MGAM: variants seen among roughly 807,000 people sequenced by gnomAD.
MGAM encodes alpha-1,4-glucosidase.
MGAM carries 253 observed loss-of-function variants against 358.8 expected under a neutral mutation model. That is an observed-to-expected ratio of 0.71 (90% CI 0.64 to 0.78). MGAM has a LOEUF of 0.78. MGAM is among the 30% of genes least tolerant of loss of function. MGAM has a pLI of 0.00. For synonymous variants in MGAM, 1,105 were observed against 1,227.1 expected (o/e 0.90, Z 2.08); for missense variants, 3,080 against 3,432.6 (o/e 0.90, Z 2.57).
At chr7:142,055,038 C>A (rs1811361837) in intron 27 of MGAM, 130 bp downstream of exon 27, 1 of 1,062,202 alleles carries the variant, frequency 9.4e-7, no homozygotes, top group Admixed American at 2.9e-5. Context: ...TGAGTTGTTT[C>A]CTTCAGACCT....
Position 142,105,911 on chromosome 7 carries a change from A to C in MGAM, c.*20A>C. On this transcript the variant is annotated 3_prime_UTR_variant, in exon 71 of 71. Coordinates refer to ENST00000475668, the MANE Select transcript of MGAM (RefSeq NM_001365693.1). ...CTGTGAATTTTTACAGCAAGATTCTAACTAACTATGAATGACTTTGAAACT... is the reference window on the plus strand; with the variant it reads ...CTGTGAATTTTTACAGCAAGATTCTCACTAACTATGAATGACTTTGAAACT... The C allele has an allele frequency of 6.5e-7, 1 of 1,541,132 alleles. No individual in the cohort carries two copies. The highest frequency in any genetic ancestry group is 1.1e-5 in the South Asian group (1 of 89,784).
At chr7:142,060,251 G>C in intron 33 of MGAM, 60 bp from the exon 34 acceptor site, 1 of 1,587,648 alleles carries the variant, frequency 6.3e-7, no homozygotes, top group Non-Finnish European at 8.6e-7. Flanking sequence ...AATTTATTAG[G>C]AAATACTATG....
chr7:142,016,528 C>T (rs1188176856), intron 3 of MGAM, among the ~76,000 whole-genome samples: 2 of 152,136 alleles, frequency 1.3e-5, no homozygotes, highest in Non-Finnish European at 2.9e-5. Context: ...CATGTACTGA[C>T]TCTATGTCTC....
chr7:142,075,743 C>G (rs6959585), intron 45 of MGAM, among the ~76,000 whole-genome samples: 2,947 of 145,940 alleles, frequency 0.02, 261 homozygotes, highest in South Asian at 0.089. Context: ...GAGATGTCAC[C>G]TCACACCTGT....
chr7:142,050,423 T>C, intron 23 of MGAM, 139 bp downstream of exon 23: 1 of 1,155,730 alleles, frequency 8.7e-7, no homozygotes, highest in South Asian at 1.2e-5. Flanking sequence ...TACATTTCTA[T>C]TTATGATTTC....
At chr7:142,076,397 C>A (rs1398941131) in intron 46 of MGAM, 145 bp downstream of exon 46, 1 of 980,676 alleles carries the variant, frequency 1.0e-6, no homozygotes, top group Non-Finnish European at 1.6e-6. Flanking sequence ...ATGATTTCAT[C>A]GATGTTTTCA....
At chr7:142,089,416 C>T (rs1815150266) in intron 57 of MGAM, among the ~76,000 whole-genome samples, 1 of 146,682 alleles carries the variant, frequency 6.8e-6, no homozygotes, top group Non-Finnish European at 1.5e-5. Context: ...TAGGGAGTCA[C>T]AGAATCTGTT....
intron 54 of MGAM, among the ~76,000 whole-genome samples, chr7:142,085,061 G>A (rs1174657284): frequency 2.0e-5 from 3 of 146,446 alleles, no homozygotes; most frequent in African/African-American, 4.9e-5. Flanking sequence ...CTCAGTTCCC[G>A]CAGCCCTGGT....
chr7:142,041,914 TAC>T (rs1306261747), intron 21 of MGAM, among the ~76,000 whole-genome samples: 4 of 23,352 alleles, frequency 1.7e-4, no homozygotes, highest in South Asian at 8.7e-4. Flanking sequence ...ATTATATATA[TAC>T]GTATAATATA....
At chr7:141,994,415 AATTG>A (rs1554447985), upstream of MGAM, among the ~76,000 whole-genome samples, 4 of 152,126 alleles carry the variant, frequency 2.6e-5, no homozygotes, top group Non-Finnish European at 5.9e-5. Context: ...GAACTTGTAT[AATTG>A]ATTGGCAGGG....
At chr7:142,101,086 C>T (rs944063923) in intron 68 of MGAM, among the ~76,000 whole-genome samples, 196 bp downstream of exon 68, 1 of 152,164 alleles carries the variant, frequency 6.6e-6, no homozygotes, top group Non-Finnish European at 1.5e-5. Flanking sequence ...TCTGAATCAC[C>T]TCCCATTATG....
At chr7:142,042,937 AAT>A (rs1198813188) in intron 21 of MGAM, among the ~76,000 whole-genome samples, 3 of 58,534 alleles carry the variant, frequency 5.1e-5, no homozygotes, top group African/African-American at 1.3e-4. Context: ...ATCTAAATAT[AAT>A]ATATATATTA....
At chr7:142,020,603 A>ATATATATAT (rs374028790) in intron 4 of MGAM, among the ~76,000 whole-genome samples, 3 of 132,638 alleles carry the variant, frequency 2.3e-5, no homozygotes, top group African/African-American at 8.6e-5. Context: ...ATATATATAT[A>ATATATATAT]TTTTTTTTTT....
chr7:142,050,996 G>A, intron 24 of MGAM, 132 bp downstream of exon 24: 2 of 1,203,676 alleles, frequency 1.7e-6, no homozygotes, highest in South Asian at 1.3e-5. Context: ...AAGTGAGAGG[G>A]CTGGGGAAAA....
intron 22 of MGAM, among the ~76,000 whole-genome samples, 175 bp from the exon 23 acceptor site, chr7:142,050,060 G>A (rs1810790870): frequency 6.6e-6 from 1 of 152,136 alleles, no homozygotes; most frequent in Admixed American, 6.5e-5. Flanking sequence ...ATACATTGAT[G>A]AATGAATGAA....
intron 2 of MGAM, 77 bp from the exon 3 acceptor site, chr7:142,008,429 T>G (rs1201036079): frequency 7.0e-7 from 1 of 1,433,908 alleles, no homozygotes; most frequent in Non-Finnish European, 9.4e-7. Context: ...TGGAGTTAAT[T>G]GGAGGTGTTG....
intron 57 of MGAM, among the ~76,000 whole-genome samples, chr7:142,089,996 G>A (rs1168419051): frequency 6.9e-6 from 1 of 145,822 alleles, no homozygotes; most frequent in Non-Finnish European, 1.6e-5. Flanking sequence ...CAAAGCTCCA[G>A]CAATTTAATT....
At chr7:142,034,566 G>T in intron 15 of MGAM, 104 bp from the exon 16 acceptor site, 4 of 1,110,396 alleles carry the variant, frequency 3.6e-6, no homozygotes, top group Non-Finnish European at 5.2e-6. Flanking sequence ...AGTTGGAAGA[G>T]AATGGGTTAT....
chr7:142,103,426 A>C lies in MGAM; in HGVS notation c.8171A>C (p.Asp2724Ala). 1.2e-6 allele frequency: 2 copies of C among 1,603,104 alleles called. No individual in the cohort carries two copies. The highest frequency in any genetic ancestry group is 1.7e-6 in the Non-Finnish European group (2 of 1,175,756). ...GTCATAACACCCTCCTTCAACAATG[A>C]CCCCACGACACAGGTTTGTGACCAG... ...GMVITPSFNN[D>A]PTTQVLSIDV... The change falls in exon 70 of 71, where the codon GAC (aspartate) becomes GCC (alanine). Residue 2724 changes from aspartate to alanine, a missense_variant. Asp to Ala is a moderately radical substitution (Grantham distance 126). Coordinates refer to ENST00000475668, the MANE Select transcript of MGAM (RefSeq NM_001365693.1).
Sources: allele counts gnomAD v4.1 joint callset (sites outside exome capture counted in the v4.1 genomes callset), GRCh38; gene constraint gnomAD v4.1.1; transcripts MANE v1.5; gene names NCBI Gene and HGNC (gene_info 2026-07-23, HGNC 2026-07-21).